Variants in DACH1 observed in about 807,000 individuals in gnomAD.
DACH1 encodes dachshund family transcription factor 1, also known as dachshund homolog 1.
In DACH1, 12 loss-of-function variants were observed where a neutral mutation model predicts 54.2. The ratio of observed to expected loss-of-function variants is 0.22; its 90% CI spans 0.14 to 0.36. The LOEUF is 0.36. Ranked by LOEUF, DACH1 falls within the 10% of genes least tolerant of loss-of-function variation. The pLI is 1.00. For missense variants in DACH1, 805 were observed against 929.8 expected, an observed-to-expected ratio of 0.87 and a Z score of 1.75; for synonymous variants, 386 against 366.2, an observed-to-expected ratio of 1.05 and a Z score of -0.62.
chr13:71,644,581 GA>G (rs1321386036), intron 2 of DACH1, among the ~76,000 whole-genome samples: 1 of 152,296 alleles, frequency 6.6e-6, no homozygotes, highest in Non-Finnish European at 1.5e-5. Context: ...TCTTCCGCAA[GA>G]AAAGGGGAAA....
intron 10 of DACH1, among the ~76,000 whole-genome samples, chr13:71,444,323 T>C (rs1874262533): frequency 6.6e-6 from 1 of 152,174 alleles, no homozygotes; most frequent in South Asian, 2.1e-4. Flanking sequence ...AATCCCTTAA[T>C]TTATTTATCC....
At chr13:71,756,537 A>G (rs1322955022) in intron 1 of DACH1, among the ~76,000 whole-genome samples, 1 of 151,908 alleles carries the variant, frequency 6.6e-6, no homozygotes, top group African/African-American at 2.4e-5. Flanking sequence ...AAAAAAAAAC[A>G]TTTTATTTTA....
intron 3 of DACH1, among the ~76,000 whole-genome samples, chr13:71,615,010 C>T (rs528169594): frequency 8.3e-4 from 125 of 151,444 alleles, no homozygotes; most frequent in African/African-American, 2.9e-3. Context: ...AATCATGTAA[C>T]ATAAATCATA....
chr13:71,556,152 T>G (rs183290918), intron 6 of DACH1, among the ~76,000 whole-genome samples: 2 of 152,162 alleles, frequency 1.3e-5, no homozygotes, highest in Non-Finnish European at 2.9e-5. Flanking sequence ...GTTCAATTAT[T>G]TAAATACCCA....
At chr13:71,526,858 T>TG (rs1882001823) in intron 6 of DACH1, among the ~76,000 whole-genome samples, 1 of 151,870 alleles carries the variant, frequency 6.6e-6, no homozygotes, top group Admixed American at 6.6e-5. Context: ...ATTTAAGACT[T>TG]GCTTTTCTTC....
At chr13:71,820,313 A>G (rs1240348866) in intron 1 of DACH1, among the ~76,000 whole-genome samples, 2 of 151,960 alleles carry the variant, frequency 1.3e-5, no homozygotes, top group Admixed American at 1.3e-4. Context: ...CTAGTATCCA[A>G]ACAAGGACAG....
chr13:71,648,483 A>T (rs941273679), intron 2 of DACH1, among the ~76,000 whole-genome samples: 14 of 152,174 alleles, frequency 9.2e-5, no homozygotes, highest in Admixed American at 5.2e-4. Context: ...TGGCCAAGTT[A>T]GTGCCATTTT....
At chr13:71,830,166 A>G (rs1888529618) in intron 1 of DACH1, among the ~76,000 whole-genome samples, 1 of 151,942 alleles carries the variant, frequency 6.6e-6, no homozygotes, top group Non-Finnish European at 1.5e-5. Flanking sequence ...AAACACACCT[A>G]CAACACTAAC....
Position 71,440,661 on chromosome 13 carries a change from C to G in DACH1, c.2115G>C (p.Met705Ile). ...TTTCTTCAACAGGAAAGATTCAGTA[C>G]ATGACAGTAGTTTTCAAATACAGTC... ...DGRLYLKTTV[M>I]Y Residue 705 changes from methionine to isoleucine, a missense_variant, in exon 11 of 11, where the codon ATG (methionine) becomes ATC (isoleucine). Met to Ile is a conservative substitution (Grantham distance 10, BLOSUM62 1). Coordinates refer to ENST00000613252, the MANE Select transcript of DACH1 (RefSeq NM_080759.6). 1 of 1,603,800 alleles carries G rather than the reference C, an allele frequency of 6.2e-7. No homozygotes were observed. The highest frequency in any genetic ancestry group is 2.3e-5 in the East Asian group (1 of 44,414).
chr13:71,614,187 T>C (rs183678300), intron 3 of DACH1, among the ~76,000 whole-genome samples: 2 of 152,098 alleles, frequency 1.3e-5, no homozygotes, highest in African/African-American at 4.8e-5. Flanking sequence ...GAGGGGAGAG[T>C]ATATTACCAC....
intron 1 of DACH1, among the ~76,000 whole-genome samples, chr13:71,745,388 G>A (rs1352369272): frequency 2.0e-5 from 3 of 152,168 alleles, no homozygotes; most frequent in Admixed American, 6.5e-5. Context: ...TGTCAGATAT[G>A]ACCTCACAGT....
chr13:71,804,213 T>C (rs1431142718), intron 1 of DACH1, among the ~76,000 whole-genome samples: 1 of 152,012 alleles, frequency 6.6e-6, no homozygotes, highest in Non-Finnish European at 1.5e-5. Context: ...CTTGGGAGAC[T>C]AAGGCAGGAG....
intron 3 of DACH1, among the ~76,000 whole-genome samples, chr13:71,592,513 AAAAAG>A (rs1555299238): frequency 6.9e-6 from 1 of 145,892 alleles, no homozygotes; most frequent in East Asian, 2.0e-4. Flanking sequence ...AAAAAAAAAA[AAAAAG>A]AAAAGAAAAA....
rs1466127536 is a variant in DACH1, at chr13:71,674,640, G to GAA, written c.964+7154_964+7155insTT. Among the ~76,000 whole-genome samples, 940 of 125,058 alleles carry GAA rather than the reference G, an allele frequency of 7.5e-3. 46 individuals carry two copies. In the East Asian group the frequency reaches 0.15, roughly 19 times the overall value. The allele number at this position is 125,058 out of a possible 152,430, so 82.0% of individuals were successfully genotyped here. ...GCTGACACCATGATTTCAGCCCAGT[G>GAA]ATGCTGATTTTGGACTCGCAACCTC... On this transcript the variant is annotated intron_variant, in intron 2 of 10. Coordinates refer to ENST00000613252, the MANE Select transcript of DACH1 (RefSeq NM_080759.6).
At chr13:71,532,080 A>C (rs1882456025) in intron 6 of DACH1, among the ~76,000 whole-genome samples, 1 of 151,954 alleles carries the variant, frequency 6.6e-6, no homozygotes, top group Non-Finnish European at 1.5e-5. Flanking sequence ...TAATGATATT[A>C]GTGAACTACT....
At chr13:71,655,298 A>G (rs892339920) in intron 2 of DACH1, among the ~76,000 whole-genome samples, 1 of 151,932 alleles carries the variant, frequency 6.6e-6, no homozygotes, top group Non-Finnish European at 1.5e-5. Flanking sequence ...GAATACAGAA[A>G]TCAAGACATC....
intron 10 of DACH1, among the ~76,000 whole-genome samples, chr13:71,471,521 G>T (rs927188494): frequency 3.3e-5 from 5 of 152,208 alleles, no homozygotes; most frequent in African/African-American, 1.2e-4. Flanking sequence ...AGCACTTTGG[G>T]AGGCCAAGCT....
chr13:71,773,679 T>G (rs1417812043), intron 1 of DACH1, among the ~76,000 whole-genome samples: 1 of 152,022 alleles, frequency 6.6e-6, no homozygotes, highest in Non-Finnish European at 1.5e-5. Flanking sequence ...TTCTTAAGCT[T>G]CACAAAGCAG....
chr13:71,731,004 T>C (rs1216943815), intron 1 of DACH1, among the ~76,000 whole-genome samples: 3 of 152,106 alleles, frequency 2.0e-5, no homozygotes, highest in Non-Finnish European at 4.4e-5. Context: ...AATACAGTTA[T>C]AGCAATTAAC....
Sources: gnomAD v4.1 joint callset for allele counts (sites outside exome capture counted in the v4.1 genomes callset) on GRCh38, gnomAD v4.1.1 for gene constraint, MANE v1.5 for transcripts, NCBI Gene and HGNC (gene_info 2026-07-23, HGNC 2026-07-21) for gene names.